Variants in NRG2 observed in about 807,000 individuals in gnomAD.
The protein encoded by NRG2 is pro-neuregulin-2, membrane-bound isoform.
A neutral mutation model predicts 73.9 loss-of-function variants in NRG2; 27 were observed. The ratio of observed to expected loss-of-function variants is 0.37; its 90% CI spans 0.27 to 0.50. NRG2 has a LOEUF of 0.50. NRG2 is among the 20% of genes least tolerant of loss of function. NRG2 has a pLI of 0.96. For missense variants in NRG2, 1,126 were observed against 1,210.1 expected (o/e 0.93, Z 1.03); for synonymous variants, 532 against 541.0 (o/e 0.98, Z 0.23).
intron 1 of NRG2, among the ~76,000 whole-genome samples, chr5:139,922,645 C>T (rs760873476): frequency 4.6e-5 from 7 of 152,308 alleles, no homozygotes; most frequent in Non-Finnish European, 8.8e-5. Context: ...GAAAAACCTG[C>T]ACAAGGATGT....
At chr5:139,888,925 A>C (rs536527712) in intron 1 of NRG2, among the ~76,000 whole-genome samples, 2 of 152,342 alleles carry the variant, frequency 1.3e-5, no homozygotes, top group South Asian at 4.1e-4. Flanking sequence ...TAATAATAAC[A>C]ATAATAGCTA....
intron 1 of NRG2, among the ~76,000 whole-genome samples, chr5:139,888,886 A>C (rs1368419258): frequency 6.6e-6 from 1 of 152,224 alleles, no homozygotes; most frequent in Non-Finnish European, 1.5e-5. Flanking sequence ...CCCATTTTTA[A>C]ACAAAATGGA....
In NRG2 at chr5:139,870,480, C is replaced by T. The variant is rs1328748997; in HGVS notation, c.1112+1241G>A. 1.3e-5 allele frequency among the ~76,000 whole-genome samples: 2 copies of T among 152,130 alleles called. No individual in the cohort carries two copies. Among genetic ancestry groups the T allele is most frequent in the African/African-American group, 2.4e-5 (1 of 41,430 alleles). Reference sequence around the variant, plus strand: ...CCTTCTCAGACCAGGCTCACATTCCCGGGCAAGGGTGTGCCCAGGAAGGGG... The same window carrying T: ...CCTTCTCAGACCAGGCTCACATTCCTGGGCAAGGGTGTGCCCAGGAAGGGG... On this transcript the variant is annotated intron_variant, in intron 4 of 9. Coordinates refer to ENST00000361474, the MANE Select transcript of NRG2 (RefSeq NM_004883.3). The surrounding 1 kb of genome is among the most constrained non-coding windows in gnomAD (Gnocchi z 4.4).
At chr5:139,859,887 A>G in intron 5 of NRG2, 1 of 1,611,968 alleles carries the variant, frequency 6.2e-7, no homozygotes, top group Non-Finnish European at 8.5e-7. Context: ...GAGGTTTCAT[A>G]CCCTTTAATT....
chr5:139,847,994 T>G lies in NRG2; in HGVS notation c.2476A>C (p.Ser826Arg). 7 of 1,514,450 alleles carry G rather than the reference T, an allele frequency of 4.6e-6. No homozygotes were observed. Among genetic ancestry groups the G allele is most frequent in the Non-Finnish European group, 6.2e-6 (7 of 1,135,738 alleles). The allele number at this position is 1,514,450 out of a possible 1,614,324, so 93.8% of individuals were successfully genotyped here. The change falls in exon 10 of 10, where the codon AGC becomes CGC. Residue 826 changes from serine to arginine, a missense_variant. Ser to Arg is a moderately radical substitution (Grantham distance 110, BLOSUM62 -1). Coordinates refer to ENST00000361474, the MANE Select transcript of NRG2 (RefSeq NM_004883.3). ...ADSRTYYSLDSHSTRASSRHS... is the reference protein window; with the variant it reads ...ADSRTYYSLDRHSTRASSRHS... ...CTGCTGCTGGCCCGCGTGCTGTGGC[T>G]GTCCAGTGAGTAGTAAGTCCTGCTG...
intron 1 of NRG2, among the ~76,000 whole-genome samples, chr5:140,004,040 T>A (rs1758700158): frequency 6.6e-6 from 1 of 152,182 alleles, no homozygotes; most frequent in Non-Finnish European, 1.5e-5. Context: ...ATACTGTGGT[T>A]CTGTAACATG....
chr5:139,899,999 G>A (rs1239224894), intron 1 of NRG2, among the ~76,000 whole-genome samples: 2 of 152,208 alleles, frequency 1.3e-5, no homozygotes, highest in East Asian at 3.8e-4. Context: ...GTACTGGCCT[G>A]TAGTGAGTCC....
chr5:139,918,536 A>G (rs1320763096), intron 1 of NRG2, among the ~76,000 whole-genome samples: 2 of 152,150 alleles, frequency 1.3e-5, no homozygotes, highest in Non-Finnish European at 2.9e-5. Context: ...ATCTTCACAT[A>G]GCAGATGAGG....
At chr5:140,041,651 TC>T (rs1490691610) in intron 1 of NRG2, among the ~76,000 whole-genome samples, 2 of 126,606 alleles carry the variant, frequency 1.6e-5, no homozygotes, top group Non-Finnish European at 3.2e-5. Flanking sequence ...ACCTTGTAAT[TC>T]CCCCAGAAAC....
At chr5:139,928,903 G>A (rs147436664) in intron 1 of NRG2, among the ~76,000 whole-genome samples, 8 of 152,272 alleles carry the variant, frequency 5.3e-5, no homozygotes, top group African/African-American at 1.9e-4. Flanking sequence ...CCTGCCCAAT[G>A]TTCGTCTAAC....
intron 1 of NRG2, among the ~76,000 whole-genome samples, chr5:139,940,029 AG>A (rs1172534660): frequency 6.6e-6 from 1 of 152,242 alleles, no homozygotes; most frequent in East Asian, 1.9e-4. Flanking sequence ...GCTGCTGGGA[AG>A]GTCAAATGGT....
chr5:139,912,426 G>T (rs1190494470), intron 1 of NRG2, among the ~76,000 whole-genome samples: 1 of 152,106 alleles, frequency 6.6e-6, no homozygotes, highest in African/African-American at 2.4e-5. Context: ...GCCTGGTCTG[G>T]GTACTGGTTC....
intron 1 of NRG2, among the ~76,000 whole-genome samples, chr5:140,022,671 C>A (rs1375456425): frequency 6.6e-6 from 1 of 152,170 alleles, no homozygotes; most frequent in African/African-American, 2.4e-5. Flanking sequence ...TTGAGTTTTC[C>A]CCTTTGTAAT....
intron 9 of NRG2, among the ~76,000 whole-genome samples, chr5:139,848,920 G>A (rs910217148): frequency 1.3e-5 from 2 of 152,184 alleles, no homozygotes; most frequent in Non-Finnish European, 2.9e-5. Context: ...CATAACCATG[G>A]TGTTGATTCC....
intron 1 of NRG2, among the ~76,000 whole-genome samples, chr5:139,890,465 CTTTCTTTCT>C (rs1391112603): frequency 1.4e-4 from 16 of 117,528 alleles, no homozygotes; most frequent in Non-Finnish European, 2.1e-4. Context: ...TTCTTTCTTT[CTTTCTTTCT>C]TTTTTTTTTT....
intron 1 of NRG2, among the ~76,000 whole-genome samples, chr5:140,039,283 T>C (rs1761736607): frequency 6.6e-6 from 1 of 152,240 alleles, no homozygotes; most frequent in Non-Finnish European, 1.5e-5. Context: ...CAGGACTATT[T>C]GCAGAACATG....
intron 1 of NRG2, among the ~76,000 whole-genome samples, chr5:140,018,905 C>A (rs1760003025): frequency 6.6e-6 from 1 of 152,192 alleles, no homozygotes; most frequent in African/African-American, 2.4e-5. Flanking sequence ...AAGGGAAAAT[C>A]AGCAGAAAAG....
intron 1 of NRG2, among the ~76,000 whole-genome samples, chr5:139,996,347 C>T (rs6896087): frequency 0.58 from 87,569 of 152,006 alleles, 25,506 homozygotes; most frequent in South Asian, 0.73. Flanking sequence ...ATGGGGAATA[C>T]GGGAGACCAC....
At chr5:139,948,151 C>A (rs183114183) in intron 1 of NRG2, among the ~76,000 whole-genome samples, 31 of 152,320 alleles carry the variant, frequency 2.0e-4, no homozygotes, top group Non-Finnish European at 3.5e-4. Context: ...CACCTCATAT[C>A]AATAGAATTA....
Sources: gnomAD v4.1 joint callset for allele counts (sites outside exome capture counted in the v4.1 genomes callset) on GRCh38, gnomAD v4.1.1 for gene constraint, Gnocchi (gnomAD v3.1) non-coding constraint, MANE v1.5 for transcripts, NCBI Gene and HGNC (gene_info 2026-07-23, HGNC 2026-07-21) for gene names.